ADAD1: variants seen among roughly 807,000 people sequenced by gnomAD.
The protein encoded by ADAD1 is adenosine deaminase domain containing 1.
In ADAD1, 46 loss-of-function variants were observed where a neutral mutation model predicts 66.8. The observed-to-expected ratio is 0.69, with a 90% CI of 0.54 to 0.88. The LOEUF (loss-of-function observed/expected upper bound fraction) is 0.88. Among genes scored for constraint, ADAD1 ranks in the 40% least tolerant of loss-of-function variants. ADAD1 has a pLI of 0.00. For synonymous variants in ADAD1, 248 were observed against 229.4 expected (o/e 1.08, Z -0.73); for missense variants, 617 against 681.8 (o/e 0.91, Z 1.06).
chr4:122,427,790 T>A (rs1797321328), intron 12 of ADAD1, among the ~76,000 whole-genome samples: 1 of 151,980 alleles, frequency 6.6e-6, no homozygotes, highest in African/African-American at 2.4e-5. Context: ...CCCACCAAAG[T>A]GCTGGGATTA....
At chr4:122,399,731 T>C (rs1795881462) in intron 7 of ADAD1, among the ~76,000 whole-genome samples, 1 of 144,758 alleles carries the variant, frequency 6.9e-6, no homozygotes, top group Non-Finnish European at 1.5e-5. Context: ...ATATTCCTAA[T>C]TTTCTTTTCT....
At position 122,407,893 on chromosome 4, in the gene ADAD1, A is replaced by G. The variant is rs1397424835; in HGVS notation, c.725-15A>G. 3 of 1,611,782 alleles carry G rather than the reference A, an allele frequency of 1.9e-6. No homozygotes were observed. The highest frequency in any genetic ancestry group is 1.7e-6 in the Non-Finnish European group (2 of 1,178,708). On this transcript the variant is annotated splice_polypyrimidine_tract_variant and intron_variant, in intron 7 of 12. Transcript: ENST00000296513. ...AGGTTAAATTAACCTGCTACTGTCT[A>G]CCTTTTTCTTTCAGCTGGACAACAT...
At position 122,421,409 on chromosome 4, in the gene ADAD1, A is replaced by C; in HGVS notation, c.1617+19A>C. On this transcript the variant is annotated intron_variant, in intron 12 of 12. Coordinates refer to ENST00000296513, the MANE Select transcript of ADAD1 (RefSeq NM_139243.4). Reference sequence around the variant, plus strand: ...AGCTAAGGTAAGTCCTTAAAGGAATAAAGTTATCATAGGAATAAAATTTAA... The same window carrying C: ...AGCTAAGGTAAGTCCTTAAAGGAATCAAGTTATCATAGGAATAAAATTTAA... The C allele has an allele frequency of 6.6e-7, 1 of 1,514,332 alleles. No homozygotes were observed. The highest frequency in any genetic ancestry group is 1.3e-5 in the South Asian group (1 of 74,760). The allele number at this position is 1,514,332 out of a possible 1,614,324, so 93.8% of individuals were successfully genotyped here.
chr4:122,427,426 A>G (rs1797294551), intron 12 of ADAD1, among the ~76,000 whole-genome samples: 2 of 151,992 alleles, frequency 1.3e-5, no homozygotes, highest in Admixed American at 1.3e-4. Context: ...CTTCTCTCCA[A>G]ATTAATTTAT....
At chr4:122,421,127 T>TAA in intron 11 of ADAD1, 134 bp from the exon 12 acceptor site, 9 of 532,304 alleles carry the variant, frequency 1.7e-5, no homozygotes, top group Non-Finnish European at 1.6e-5. Flanking sequence ...GCCTCTTATG[T>TAA]AAAAAAAAAA....
chr4:122,400,434 A>G (rs1209670291), intron 7 of ADAD1, among the ~76,000 whole-genome samples: 1 of 152,008 alleles, frequency 6.6e-6, no homozygotes, highest in Non-Finnish European at 1.5e-5. Context: ...TTTTGCATCT[A>G]TGTTACTCAG....
chr4:122,424,378 T>C (rs891729922), intron 12 of ADAD1, among the ~76,000 whole-genome samples: 1 of 152,090 alleles, frequency 6.6e-6, no homozygotes, highest in African/African-American at 2.4e-5. Context: ...TTCTAAAAAG[T>C]TGTTTAAAAC....
At chr4:122,395,093 C>G (rs1192394131) in intron 6 of ADAD1, among the ~76,000 whole-genome samples, 2 of 152,044 alleles carry the variant, frequency 1.3e-5, no homozygotes, top group Non-Finnish European at 2.9e-5. Flanking sequence ...TCTTGTCGCC[C>G]AGGCTGGAGT....
At chr4:122,387,203 T>C (rs1050394394) in intron 5 of ADAD1, among the ~76,000 whole-genome samples, 1 of 152,214 alleles carries the variant, frequency 6.6e-6, no homozygotes, top group Non-Finnish European at 1.5e-5. Flanking sequence ...TTGTGTCCTC[T>C]GTTATTTCCC....
intron 7 of ADAD1, among the ~76,000 whole-genome samples, chr4:122,407,161 C>G (rs977163910): frequency 6.6e-6 from 1 of 151,674 alleles, no homozygotes; most frequent in African/African-American, 2.4e-5. Context: ...GAATGTAGAA[C>G]TGAACTTTGT....
At chr4:122,397,865 G>A (rs980852598) in intron 7 of ADAD1, among the ~76,000 whole-genome samples, 5 of 152,140 alleles carry the variant, frequency 3.3e-5, no homozygotes, top group Non-Finnish European at 7.4e-5. Flanking sequence ...AATAATAAAT[G>A]TAGTTTTAGA....
intron 5 of ADAD1, among the ~76,000 whole-genome samples, chr4:122,389,802 T>C (rs879274342): frequency 6.6e-6 from 1 of 152,228 alleles, no homozygotes; most frequent in African/African-American, 2.4e-5. Context: ...TCTTGACTCC[T>C]TACCCAGTGT....
At chr4:122,383,607 C>T (rs1311391814) in intron 4 of ADAD1, among the ~76,000 whole-genome samples, 192 bp from the exon 5 acceptor site, 1 of 152,178 alleles carries the variant, frequency 6.6e-6, no homozygotes, top group African/African-American at 2.4e-5. Context: ...CTGCTTGAAT[C>T]CTCAGAGTTA....
intron 7 of ADAD1, among the ~76,000 whole-genome samples, chr4:122,406,546 T>C (rs1796220913): frequency 6.6e-6 from 1 of 152,186 alleles, no homozygotes; most frequent in Non-Finnish European, 1.5e-5. Flanking sequence ...TTGTTTGCTT[T>C]GTAGGAAGGA....
chr4:122,418,920 A>G (rs1796879944), intron 11 of ADAD1, among the ~76,000 whole-genome samples: 1 of 152,152 alleles, frequency 6.6e-6, no homozygotes, highest in South Asian at 2.1e-4. Flanking sequence ...ACACATATAC[A>G]CTATTGGTGG....
At chr4:122,429,383 A>G (rs907386571) in intron 12 of ADAD1, among the ~76,000 whole-genome samples, 1 of 152,024 alleles carries the variant, frequency 6.6e-6, no homozygotes, top group South Asian at 2.1e-4. Context: ...TCATGCCACC[A>G]TACTCCAACC....
chr4:122,392,372 TA>T (rs988599196), intron 5 of ADAD1, among the ~76,000 whole-genome samples: 1 of 152,008 alleles, frequency 6.6e-6, no homozygotes, highest in Non-Finnish European at 1.5e-5. Context: ...ATGCAGCCAT[TA>T]AAAAAATAAA....
chr4:122,407,782 A>G, intron 7 of ADAD1, 126 bp from the exon 8 acceptor site: 2 of 1,067,018 alleles, frequency 1.9e-6, no homozygotes, highest in Non-Finnish European at 2.5e-6. Context: ...TAAATTGTGG[A>G]ATTATTTTTT....
intron 5 of ADAD1, among the ~76,000 whole-genome samples, chr4:122,391,702 T>C (rs1346317195): frequency 6.6e-6 from 1 of 152,148 alleles, no homozygotes; most frequent in Non-Finnish European, 1.5e-5. Context: ...TTGTCTTTTT[T>C]GTTTGTTTGT....
Sources: gnomAD v4.1 joint callset for allele counts (sites outside exome capture counted in the v4.1 genomes callset) on GRCh38, gnomAD v4.1.1 for gene constraint, MANE v1.5 for transcripts, NCBI Gene and HGNC (gene_info 2026-07-23, HGNC 2026-07-21) for gene names.